The following MYO16 variants were observed in gnomAD, a reference collection of about 807,000 sequenced individuals.
MYO16 encodes the protein myosin XVI, also known as unconventional myosin-XVI.
MYO16 carries 94 observed loss-of-function variants against 205.3 expected under a neutral mutation model. That is an observed-to-expected ratio of 0.46 (90% confidence interval 0.39 to 0.54). The LOEUF (loss-of-function observed/expected upper bound fraction) is 0.54, where lower values mean the gene tolerates loss of function less well. Among genes scored for constraint, MYO16 ranks in the 20% least tolerant of loss-of-function variants. The pLI is 0.00. For synonymous variants in MYO16, 988 were observed against 954.0 expected (o/e 1.04, Z -0.66); for missense variants, 2,315 against 2,387.5 (o/e 0.97, Z 0.63).
rs78330004 is a variant in MYO16, at chr13:109,204,873, G to A, written c.5416-1736G>A. Among the ~76,000 whole-genome samples, 831 of 152,224 alleles carry A rather than the reference G, an allele frequency of 5.5e-3. 9 individuals are homozygous for A. Among genetic ancestry groups the A allele is most frequent in the African/African-American group, 0.018 (766 of 41,530 alleles). ...GAGTTAATGCCTGGAAGGTGCTTACGAAAGCACCTAGCACACGTGTAGCCA... is the reference window on the plus strand; with the variant it reads ...GAGTTAATGCCTGGAAGGTGCTTACAAAAGCACCTAGCACACGTGTAGCCA... On this transcript the variant is annotated intron_variant, in intron 34 of 34. Coordinates refer to ENST00000457511, the MANE Select transcript of MYO16 (RefSeq NM_001198950.3).
At chr13:108,876,768 G>A (rs896244054) in intron 12 of MYO16, among the ~76,000 whole-genome samples, 10 of 151,172 alleles carry the variant, frequency 6.6e-5, no homozygotes, top group Admixed American at 4.0e-4. Context: ...CCAGGTTCAA[G>A]CGATTCTCCT....
intron 20 of MYO16, among the ~76,000 whole-genome samples, chr13:108,977,574 G>C (rs1262771472): frequency 6.6e-6 from 1 of 151,914 alleles, no homozygotes; most frequent in African/African-American, 2.4e-5. Context: ...CCTACCGCAA[G>C]GTCATCTTAT....
the MYO16 span, among the ~76,000 whole-genome samples, chr13:108,557,193 G>T: frequency 7.9e-5 from 12 of 152,112 alleles, no homozygotes; most frequent in African/African-American, 2.7e-4. Context: ...GATAGGGATT[G>T]CATTGAATAT....
At chr13:108,636,257 T>C (rs1489737387) in intron 1 of MYO16, among the ~76,000 whole-genome samples, 1 of 152,128 alleles carries the variant, frequency 6.6e-6, no homozygotes, top group Non-Finnish European at 1.5e-5. Flanking sequence ...CTGATTAGTG[T>C]TCATGACAGT....
intron 1 of MYO16, among the ~76,000 whole-genome samples, chr13:108,624,060 A>G (rs1003085261): frequency 6.6e-5 from 10 of 152,206 alleles, no homozygotes; most frequent in African/African-American, 2.4e-4. Context: ...TGATTCAACT[A>G]AAGAGGCATA....
intron 9 of MYO16, among the ~76,000 whole-genome samples, chr13:108,843,417 C>A (rs1199860358): frequency 1.3e-5 from 2 of 152,054 alleles, no homozygotes; most frequent in Non-Finnish European, 2.9e-5. Flanking sequence ...GCCTATGCAA[C>A]TATGTATATC....
At chr13:108,822,410 C>T (rs537566364) in intron 8 of MYO16, among the ~76,000 whole-genome samples, 38 of 152,160 alleles carry the variant, frequency 2.5e-4, no homozygotes, top group East Asian at 1.2e-3. Context: ...CTGGTCCTGA[C>T]GATTGAGAAG....
chr13:108,952,326 C>T lies in MYO16; in HGVS notation c.1926-5362C>T, dbSNP rs187977054. Among the ~76,000 whole-genome samples the T allele has an allele frequency of 1.3e-4, 20 of 152,200 alleles. No individual in the cohort carries two copies. In the East Asian group the frequency reaches 3.9e-3, roughly 29 times the overall value. On this transcript the variant is annotated intron_variant, in intron 16 of 34. Transcript: ENST00000457511. ...AAAGACCTTCAGTGCGTCCCATCCG[C>T]CTTGCAGGAAACTCCTAAGCTTGAG... is the stretch of plus-strand genomic sequence containing the variant.
intron 16 of MYO16, among the ~76,000 whole-genome samples, chr13:108,926,480 G>A (rs886570574): frequency 2.6e-5 from 4 of 152,036 alleles, no homozygotes; most frequent in African/African-American, 9.7e-5. Flanking sequence ...GAAGAATCTC[G>A]GGTGCACTCA....
At chr13:109,194,662 A>T (rs1310024413) in intron 34 of MYO16, among the ~76,000 whole-genome samples, 1 of 152,158 alleles carries the variant, frequency 6.6e-6, no homozygotes, top group East Asian at 1.9e-4. Context: ...TTGGGTTGAA[A>T]TATAGAGACT....
the MYO16 span, among the ~76,000 whole-genome samples, chr13:108,586,018 A>G: frequency 6.6e-6 from 1 of 152,220 alleles, no homozygotes; most frequent in Admixed American, 6.5e-5. Flanking sequence ...TCAATAAGTT[A>G]CCATATAAAT....
chr13:108,636,805 A>G (rs1880273737), intron 1 of MYO16, among the ~76,000 whole-genome samples: 2 of 152,230 alleles, frequency 1.3e-5, no homozygotes, highest in South Asian at 2.1e-4. Context: ...ATTAGTTTCA[A>G]TACATAGTGT....
chr13:109,057,813 C>T lies in MYO16; in HGVS notation c.3335+2218C>T, dbSNP rs550093791. Among the ~76,000 whole-genome samples the T allele has an allele frequency of 5.9e-5, 9 of 152,110 alleles. No individual in the cohort carries two copies. In the South Asian group the frequency reaches 6.2e-4, roughly 11 times the overall value. On this transcript the variant is annotated intron_variant, in intron 27 of 34. Coordinates refer to ENST00000457511, the MANE Select transcript of MYO16 (RefSeq NM_001198950.3). ...ATCAGTATCAACAGGGAGTAGGGAC[C>T]GGGCTCCCCCTGGTTTGTAGCTCCA... is the stretch of plus-strand genomic sequence containing the variant.
At chr13:108,698,699 T>A (rs1290825879) in intron 2 of MYO16, among the ~76,000 whole-genome samples, 1 of 152,180 alleles carries the variant, frequency 6.6e-6, no homozygotes, top group East Asian at 1.9e-4. Context: ...AACCTGCAAG[T>A]TCTATTTGAG....
At chr13:108,841,268 A>T (rs1226076353) in intron 9 of MYO16, among the ~76,000 whole-genome samples, 1 of 152,184 alleles carries the variant, frequency 6.6e-6, no homozygotes, top group African/African-American at 2.4e-5. Flanking sequence ...ACCCACACAG[A>T]TATGGTCAAT....
the MYO16 span, among the ~76,000 whole-genome samples, chr13:108,570,591 C>A: frequency 6.6e-6 from 1 of 152,168 alleles, no homozygotes; most frequent in Non-Finnish European, 1.5e-5. Flanking sequence ...TGAAGCCAGC[C>A]ATCTGGGCCT....
At chr13:108,549,044 G>A in the MYO16 span, among the ~76,000 whole-genome samples, 7 of 152,154 alleles carry the variant, frequency 4.6e-5, no homozygotes, top group Non-Finnish European at 7.4e-5. Context: ...GAACATACAC[G>A]AGGGCAGGGA....
Position 108,754,515 on chromosome 13 carries a change from C to CGTGT in MYO16, c.507+26947_507+26950dup, listed in dbSNP as rs10684656. On this transcript the variant is annotated intron_variant, in intron 4 of 34. Coordinates refer to ENST00000457511, the MANE Select transcript of MYO16 (RefSeq NM_001198950.3). ...TAAAACTGCTAGTTACAGGTTTTGG[C>CGTGT]GTGTGTGTGTGTGTGTGTAATAAAA... Among the ~76,000 whole-genome samples the CGTGT allele has an allele frequency of 9.2e-3, 1,382 of 150,580 alleles. 16 individuals are homozygous for CGTGT. Among genetic ancestry groups the CGTGT allele is most frequent in the African/African-American group, 0.031 (1,295 of 41,116 alleles).
chr13:109,045,838 T>G lies in MYO16; in HGVS notation c.2797-1078T>G, dbSNP rs1470200859. Reference sequence around the variant, plus strand: ...TCTAATATCCATTCACTGCAAAGAATCCAGTCCTCTCTGGGCTCTCTAGAC... The same window carrying G: ...TCTAATATCCATTCACTGCAAAGAAGCCAGTCCTCTCTGGGCTCTCTAGAC... On this transcript the variant is annotated intron_variant, in intron 23 of 34. Coordinates refer to ENST00000457511, the MANE Select transcript of MYO16 (RefSeq NM_001198950.3). Among the ~76,000 whole-genome samples, 5 of 152,222 alleles carry G rather than the reference T, an allele frequency of 3.3e-5. No individual in the cohort carries two copies. The East Asian group carries it at 9.6e-4, about 29-fold the overall frequency.
Sources: allele counts gnomAD v4.1 joint callset (sites outside exome capture counted in the v4.1 genomes callset), GRCh38; gene constraint gnomAD v4.1.1; transcripts MANE v1.5; gene names NCBI Gene and HGNC (gene_info 2026-07-23, HGNC 2026-07-21).